The following BEND5 variants were observed in gnomAD, a reference collection of about 807,000 sequenced individuals.
The protein encoded by BEND5 is BEN domain containing 5, also known as BEN domain-containing protein 5.
A neutral mutation model predicts 43.9 loss-of-function variants in BEND5; 22 were observed. The ratio of observed to expected loss-of-function variants is 0.50; its 90% confidence interval spans 0.36 to 0.72. The LOEUF (loss-of-function observed/expected upper bound fraction) is 0.72. Ranked by LOEUF, BEND5 falls within the 30% of genes least tolerant of loss-of-function variation. BEND5 has a pLI of 0.00. For missense variants in BEND5, 428 were observed against 550.6 expected (o/e 0.78, Z 2.23); for synonymous variants, 228 against 225.9 (o/e 1.01, Z -0.08).
rs58814698 is a variant in BEND5 at position 48,740,263 on chromosome 1, T to A, written c.894+2360A>T. Among the ~76,000 whole-genome samples the A allele has an allele frequency of 8.3e-4, 127 of 152,282 alleles. 2 individuals carry two copies. Among genetic ancestry groups the A allele is most frequent in the African/African-American group, 2.9e-3 (121 of 41,554 alleles). Reference sequence around the variant, plus strand: ...GGCTCAAGGTCACCTGGAGCAATGTTCAGTTTTCAGGGATGTAGCAGAACA... The same window carrying A: ...GGCTCAAGGTCACCTGGAGCAATGTACAGTTTTCAGGGATGTAGCAGAACA... On this transcript the variant is annotated intron_variant, in intron 4 of 5. Transcript: ENST00000371833.
At position 48,776,803 on chromosome 1, in the gene BEND5, TC is replaced by T; in HGVS notation, c.28del (p.Asp10ThrfsTer76). On this transcript the variant is annotated frameshift_variant, in exon 1 of 6. Coordinates refer to ENST00000371833, the MANE Select transcript of BEND5 (RefSeq NM_024603.4). LOFTEE classifies it high-confidence loss of function. MYAFVRFLE[D>X]NVCYALPVSC... The stretch of plus-strand genomic sequence containing the variant: ...CACGGGCAGCGCGTAGCAGACGTTG[TC>T]CTCCAGGAACCGCACAAAGGCGTAC... 1 of 1,523,520 alleles carries T rather than the reference TC, an allele frequency of 6.6e-7. No homozygotes were observed. Among genetic ancestry groups the T allele is most frequent in the Non-Finnish European group, 8.8e-7 (1 of 1,136,366 alleles). 94.4% of individuals were successfully genotyped at this position (1,523,520 alleles called of 1,614,324 possible). A position where few individuals can be genotyped will look rare whatever the true frequency, so the allele number is the denominator to read the frequency against.
chr1:48,742,773 T>C lies in BEND5; in HGVS notation c.746-2A>G, dbSNP rs200465195. The C allele has an allele frequency of 2.6e-6, 4 of 1,566,890 alleles. No individual in the cohort carries two copies. Among genetic ancestry groups the C allele is most frequent in the Non-Finnish European group, 2.6e-6 (3 of 1,153,646 alleles). ...CTTTTTCCAGATCAATGGCGGGACCTAGGCAGTTAAGAAAAGAAATCTGTC... is the reference window on the plus strand; with the variant it reads ...CTTTTTCCAGATCAATGGCGGGACCCAGGCAGTTAAGAAAAGAAATCTGTC... On this transcript the variant is annotated splice_acceptor_variant, in intron 3 of 5. Coordinates refer to ENST00000371833, the MANE Select transcript of BEND5 (RefSeq NM_024603.4). LOFTEE classifies it high-confidence loss of function.
intron 1 of BEND5, among the ~76,000 whole-genome samples, chr1:48,776,318 CAAAG>C (rs963778547): frequency 1.3e-5 from 2 of 152,180 alleles, no homozygotes; most frequent in Non-Finnish European, 2.9e-5. Context: ...GAAGAAAACA[CAAAG>C]AATCAGAAAG....
intron 5 of BEND5, among the ~76,000 whole-genome samples, chr1:48,735,334 C>T (rs1272713108): frequency 6.6e-6 from 1 of 152,070 alleles, no homozygotes; most frequent in Non-Finnish European, 1.5e-5. Flanking sequence ...TGTCTTACCC[C>T]TCTTTGTGTC....
chr1:48,734,407 C>T (rs562610531), intron 5 of BEND5, among the ~76,000 whole-genome samples: 1 of 152,320 alleles, frequency 6.6e-6, no homozygotes, highest in South Asian at 2.1e-4. Flanking sequence ...TCTATGGCAG[C>T]AGCATCTCTC....
Position 48,742,769 on chromosome 1 carries a change from G to T in BEND5, c.748C>A (p.Pro250Thr), listed in dbSNP as rs550048480. Residue 250 changes from proline to threonine, a missense_variant and splice_region_variant, in exon 4 of 6, where the codon CCC becomes ACC. Pro to Thr is a conservative substitution (Grantham distance 38). Transcript: ENST00000371833. ...TTTACTTTTTCCAGATCAATGGCGG[G>T]ACCTAGGCAGTTAAGAAAAGAAATC... ...DVLLLRLGSG[P>T]AIDLEKVKSE... 6 of 1,575,308 alleles carry T rather than the reference G, an allele frequency of 3.8e-6. No homozygotes were observed. The South Asian group carries it at 7.0e-5, about 18-fold the overall frequency.
At chr1:48,769,526 A>AACACACACACACACACACACAC (rs558937968) in intron 1 of BEND5, among the ~76,000 whole-genome samples, 3 of 130,216 alleles carry the variant, frequency 2.3e-5, no homozygotes, top group Non-Finnish European at 4.8e-5. Flanking sequence ...GAGGATTTAA[A>AACACACACACACACACACACAC]ACACACACAC....
Position 48,736,311 on chromosome 1 carries a change from C to A in BEND5, c.1036G>T (p.Val346Phe). ...GCATCTTTCTTTTTTTTTGTGGCGA[C>A]GCCTGTGACGCTTCTGTTTTTCAGA... ...DVLKNRSVTGVATKKKKDAVP... is the reference protein window; with the variant it reads ...DVLKNRSVTGFATKKKKDAVP... The change falls in exon 5 of 6, where the codon GTC (valine) becomes TTC (phenylalanine). Residue 346 changes from valine (V) to phenylalanine (F), a missense_variant. Transcript: ENST00000371833. The surrounding 1 kb of genome is among the most constrained non-coding windows in gnomAD (Gnocchi z 4.0). 6.2e-7 allele frequency: 1 copy of A among 1,613,988 alleles called. No individual in the cohort carries two copies. Among genetic ancestry groups the A allele is most frequent in the African/African-American group, 1.3e-5 (1 of 74,954 alleles).
At chr1:48,734,123 C>G (rs746181434) in intron 5 of BEND5, among the ~76,000 whole-genome samples, 1 of 152,204 alleles carries the variant, frequency 6.6e-6, no homozygotes, top group Non-Finnish European at 1.5e-5. Context: ...TTTACCATTT[C>G]AGACAGCAGC....
chr1:48,735,387 A>G (rs1485050769), intron 5 of BEND5, among the ~76,000 whole-genome samples: 1 of 150,696 alleles, frequency 6.6e-6, no homozygotes, highest in Non-Finnish European at 1.5e-5. Context: ...GGATGGATGG[A>G]GGGAGGGTGG....
intron 3 of BEND5, among the ~76,000 whole-genome samples, chr1:48,746,508 T>C (rs1650791945): frequency 6.6e-6 from 1 of 152,246 alleles, no homozygotes; most frequent in Admixed American, 6.5e-5. Flanking sequence ...GCTACTATAC[T>C]GAGATCTTGG....
At chr1:48,776,208 A>G (rs1299837580) in intron 1 of BEND5, among the ~76,000 whole-genome samples, 1 of 152,180 alleles carries the variant, frequency 6.6e-6, no homozygotes, top group Non-Finnish European at 1.5e-5. Context: ...AATTCTTGAC[A>G]GAAAAGAACA....
intron 5 of BEND5, among the ~76,000 whole-genome samples, chr1:48,731,818 T>C (rs760019550): frequency 2.0e-4 from 30 of 152,208 alleles, no homozygotes; most frequent in Admixed American, 8.5e-4. Context: ...GGTGCTTCTA[T>C]GGCATGTTTA....
At chr1:48,733,400 T>A (rs1208168535) in intron 5 of BEND5, among the ~76,000 whole-genome samples, 1 of 152,124 alleles carries the variant, frequency 6.6e-6, no homozygotes, top group African/African-American at 2.4e-5. Flanking sequence ...AGTCTGTAGG[T>A]GTGATGCCTC....
chr1:48,757,040 A>G (rs1183378592), intron 3 of BEND5, among the ~76,000 whole-genome samples: 1 of 152,200 alleles, frequency 6.6e-6, no homozygotes, highest in Non-Finnish European at 1.5e-5. Flanking sequence ...TAATGATGTA[A>G]AATGCAGGGT....
chr1:48,747,631 C>A (rs1426880416), intron 3 of BEND5, among the ~76,000 whole-genome samples: 1 of 152,222 alleles, frequency 6.6e-6, no homozygotes, highest in Non-Finnish European at 1.5e-5. Context: ...ATTTACTTTA[C>A]CTCTTTAAGC....
At chr1:48,756,909 G>T (rs1298729339) in intron 3 of BEND5, among the ~76,000 whole-genome samples, 1 of 152,214 alleles carries the variant, frequency 6.6e-6, no homozygotes, top group Non-Finnish European at 1.5e-5. Flanking sequence ...GGAAGAGCTA[G>T]CCACTGGCCT....
intron 1 of BEND5, among the ~76,000 whole-genome samples, chr1:48,767,715 C>T (rs1383361110): frequency 1.3e-5 from 2 of 152,218 alleles, no homozygotes; most frequent in African/African-American, 4.8e-5. Context: ...ACTACTCTAA[C>T]CTTGAGGCCA....
chr1:48,769,518 G>T (rs1010016173), intron 1 of BEND5, among the ~76,000 whole-genome samples: 1 of 114,946 alleles, frequency 8.7e-6, no homozygotes. Context: ...AGTCCCAGGA[G>T]GATTTAAAAC....
Sources: allele counts gnomAD v4.1 joint callset (sites outside exome capture counted in the v4.1 genomes callset), GRCh38; gene constraint gnomAD v4.1.1; non-coding constraint Gnocchi (gnomAD v3.1); transcripts MANE v1.5; gene names NCBI Gene and HGNC (gene_info 2026-07-23, HGNC 2026-07-21).